Variants in SLC47A2 observed in about 807,000 individuals in gnomAD.
The protein encoded by SLC47A2 is multidrug and toxin extrusion protein 2.
SLC47A2 carries 52 observed loss-of-function variants against 67.7 expected under a neutral mutation model. The ratio of observed to expected loss-of-function variants is 0.77; its 90% CI spans 0.61 to 0.97. The LOEUF (loss-of-function observed/expected upper bound fraction) is 0.97. Among genes scored for constraint, SLC47A2 ranks in the 50% least tolerant of loss-of-function variants. The pLI is 0.00. For synonymous variants in SLC47A2, 278 were observed against 292.9 expected, an observed-to-expected ratio of 0.95 and a Z score of 0.52; for missense variants, 676 against 712.3, an observed-to-expected ratio of 0.95 and a Z score of 0.58.
At chr17:19,703,408 G>A (rs1302219513) in intron 11 of SLC47A2, among the ~76,000 whole-genome samples, 3 of 152,204 alleles carry the variant, frequency 2.0e-5, no homozygotes, top group Admixed American at 6.5e-5. Context: ...TGGGCGGCAC[G>A]CTGGCGCAGC....
intron 13 of SLC47A2, among the ~76,000 whole-genome samples, chr17:19,688,632 C>T (rs561448603): frequency 1.7e-4 from 26 of 152,230 alleles, no homozygotes; most frequent in African/African-American, 6.0e-4. Context: ...CGCTCTGTTG[C>T]CCAGGCTGGA....
intron 11 of SLC47A2, 24 bp from the exon 12 acceptor site, chr17:19,703,191 A>G (rs1240007133): frequency 6.2e-7 from 1 of 1,611,076 alleles, no homozygotes; most frequent in South Asian, 1.1e-5. Flanking sequence ...AAGGTGCAGC[A>G]ATGACAGACC....
At chr17:19,713,413 A>AATCATC (rs549694670) in intron 4 of SLC47A2, among the ~76,000 whole-genome samples, 81 of 147,802 alleles carry the variant, frequency 5.5e-4, no homozygotes, top group Admixed American at 1.6e-3. Flanking sequence ...TAATAATAAT[A>AATCATC]ATCATCATCA....
chr17:19,681,693 G>A (rs1313423329), intron 13 of SLC47A2, 23 bp from the exon 14 acceptor site: 2 of 1,597,922 alleles, frequency 1.3e-6, no homozygotes, highest in Admixed American at 1.7e-5. Flanking sequence ...ACAGAAATGG[G>A]CAAGAGTCAG....
At position 19,679,903 on chromosome 17, in the gene SLC47A2, A is replaced by G. The variant is rs1381518289; in HGVS notation, c.1480+49T>C. ...AGAGGGCAGACAAGAGCAACATGCCACTGACATTTATATGTGTACCAAAGT... is the reference window on the plus strand; with the variant it reads ...AGAGGGCAGACAAGAGCAACATGCCGCTGACATTTATATGTGTACCAAAGT... On this transcript the variant is annotated intron_variant, in intron 16 of 16. Transcript: ENST00000433844. 4 of 1,565,770 alleles carry G rather than the reference A, an allele frequency of 2.6e-6. No individual in the cohort carries two copies. In the Admixed American group the frequency reaches 5.4e-5, roughly 21 times the overall value.
At chr17:19,698,553 G>T (rs1277284150) in intron 13 of SLC47A2, among the ~76,000 whole-genome samples, 1 of 152,116 alleles carries the variant, frequency 6.6e-6, no homozygotes, top group Admixed American at 6.6e-5. Flanking sequence ...GTTTCGCCAT[G>T]TTGGCCAGGC....
chr17:19,684,848 G>A (rs975822220), intron 13 of SLC47A2, among the ~76,000 whole-genome samples: 6 of 151,734 alleles, frequency 4.0e-5, no homozygotes, highest in Admixed American at 1.3e-4. Flanking sequence ...TCTTGCTCTC[G>A]CTCTCCATCT....
At chr17:19,691,308 T>A (rs1382303352) in intron 13 of SLC47A2, among the ~76,000 whole-genome samples, 2 of 152,192 alleles carry the variant, frequency 1.3e-5, no homozygotes, top group African/African-American at 4.8e-5. Flanking sequence ...CTCCCATATT[T>A]ATTGCACTAT....
rs781056757 is a variant in SLC47A2, at chr17:19,715,103, G to A, written c.225+13C>T. 1.2e-6 allele frequency: 2 copies of A among 1,610,222 alleles called. No individual in the cohort carries two copies. Among genetic ancestry groups the A allele is most frequent in the Non-Finnish European group, 1.7e-6 (2 of 1,179,394 alleles). On this transcript the variant is annotated intron_variant, in intron 2 of 16. Coordinates refer to ENST00000433844, the MANE Select transcript of SLC47A2 (RefSeq NM_001099646.3). ...AGAGAACGTCCCTGCTCTGGGCCAA[G>A]CTGGGTACTCACGGCCACCGCGAGG...
chr17:19,699,360 C>T (rs914237935), intron 13 of SLC47A2, among the ~76,000 whole-genome samples: 9 of 151,902 alleles, frequency 5.9e-5, no homozygotes, highest in Non-Finnish European at 7.4e-5. Context: ...TGGGTTACAC[C>T]GTGACTTTTT....
In SLC47A2 at chr17:19,716,395, C is replaced by T. The variant is rs371481492; in HGVS notation, c.123+38G>A. 13 of 1,585,530 alleles carry T rather than the reference C, an allele frequency of 8.2e-6. No homozygotes were observed. In the African/African-American group the frequency reaches 1.8e-4, roughly 21 times the overall value. On this transcript the variant is annotated intron_variant, in intron 1 of 16. Coordinates refer to ENST00000433844, the MANE Select transcript of SLC47A2 (RefSeq NM_001099646.3). Reference sequence around the variant, plus strand: ...CAGACACCCTCAGCCTCTCAGCTTCCTCCACTCCCTACCTGCCCCCCAGCT... The same window carrying T: ...CAGACACCCTCAGCCTCTCAGCTTCTTCCACTCCCTACCTGCCCCCCAGCT...
chr17:19,706,836 GCCCCTAAA>G, intron 8 of SLC47A2, 75 bp from the exon 9 acceptor site: 1 of 1,170,552 alleles, frequency 8.5e-7, no homozygotes, highest in Non-Finnish European at 1.2e-6. Context: ...CTGCCAGGAG[GCCCCTAAA>G]CCCCTTTGGC....
In SLC47A2 at chr17:19,702,672, T is replaced by A. The variant is rs1597619387; in HGVS notation, c.1097A>T (p.Asp366Val). 5 of 1,613,890 alleles carry A rather than the reference T, an allele frequency of 3.1e-6. No homozygotes were observed. The highest frequency in any genetic ancestry group is 4.2e-6 in the Non-Finnish European group (5 of 1,179,970). Residue 366 changes from aspartate to valine, a missense_variant and splice_region_variant, in exon 13 of 17, where the codon GAT (aspartate) becomes GTT (valine). Asp to Val is a radical substitution (Grantham distance 152, BLOSUM62 -3). Transcript: ENST00000433844. ...GACCTGGCTCACCAGGGCAATGACA[T>A]CTCTGCAGAAGAAATGAGAAAGCAT... is the stretch of plus-strand genomic sequence containing the variant. Reference protein sequence around the residue: ...QLGHIFTNDEDVIALVSQVLP... With the variant: ...QLGHIFTNDEVVIALVSQVLP...
chr17:19,679,013 C>T lies in SLC47A2; in HGVS notation c.1481-107G>A. 4.6e-6 allele frequency: 4 copies of T among 868,574 alleles called. No individual in the cohort carries two copies. The South Asian group carries it at 6.1e-5, about 13-fold the overall frequency. 53.8% of individuals were successfully genotyped at this position (868,574 alleles called of 1,614,324 possible). A position where few individuals can be genotyped will look rare whatever the true frequency, so the allele number is the denominator to read the frequency against. The stretch of plus-strand genomic sequence containing the variant: ...AACCACCTGGCTGTGTTTGTTACAC[C>T]TCACAAGGGACGATGCCTATACAGT... On this transcript the variant is annotated intron_variant, in intron 16 of 16. Transcript: ENST00000433844.
At chr17:19,679,143 A>G (rs538626634) in intron 16 of SLC47A2, among the ~76,000 whole-genome samples, 1 of 152,366 alleles carries the variant, frequency 6.6e-6, no homozygotes, top group East Asian at 1.9e-4. Context: ...GCTTACTACT[A>G]GGATCTCATG....
At chr17:19,702,225 AG>A (rs1435963403) in intron 13 of SLC47A2, 1 of 985,254 alleles carries the variant, frequency 1.0e-6, no homozygotes, top group African/African-American at 1.7e-5. Context: ...GTTCCCTTGT[AG>A]AAATGTCCCT....
rs912199156 is a variant in SLC47A2, at chr17:19,687,259, C to T, written c.1165-5589G>A. 4.6e-5 allele frequency among the ~76,000 whole-genome samples: 7 copies of T among 152,026 alleles called. 1 individual carries two copies. Among genetic ancestry groups the T allele is most frequent in the Admixed American group, 3.3e-4 (5 of 15,262 alleles). On this transcript the variant is annotated intron_variant, in intron 13 of 16. Coordinates refer to ENST00000433844, the MANE Select transcript of SLC47A2 (RefSeq NM_001099646.3). ...TTGAAACAAATGATAATGGAAACAA[C>T]ATATCAAAACGTATGTCATACAATG...
intron 7 of SLC47A2, 51 bp from the exon 8 acceptor site, chr17:19,707,894 C>A (rs369838219): frequency 1.2e-5 from 18 of 1,505,198 alleles, no homozygotes; most frequent in African/African-American, 5.5e-5. Flanking sequence ...TCTCTGCCAC[C>A]GCCCTGCCTG....
At chr17:19,704,035 C>T (rs772617583) in intron 11 of SLC47A2, 35 bp downstream of exon 11, 12 of 1,538,672 alleles carry the variant, frequency 7.8e-6, no homozygotes, top group South Asian at 2.4e-5. Flanking sequence ...CTCAGGCCAA[C>T]GTTTGAAGGC....
Sources: gnomAD v4.1 joint callset for allele counts (sites outside exome capture counted in the v4.1 genomes callset) on GRCh38, gnomAD v4.1.1 for gene constraint, MANE v1.5 for transcripts, NCBI Gene and HGNC (gene_info 2026-07-23, HGNC 2026-07-21) for gene names.